Variants in MAP3K10 observed in about 807,000 individuals in gnomAD.
The protein encoded by MAP3K10 is mitogen-activated protein kinase kinase kinase 10, also known as MKN28 derived nonreceptor_type serine/threonine kinase.
Under a neutral mutation model 75.0 loss-of-function variants are expected in MAP3K10, and 22 were observed. The ratio of observed to expected loss-of-function variants is 0.29; its 90% CI spans 0.21 to 0.42. MAP3K10 has a LOEUF of 0.42. Ranked by LOEUF, MAP3K10 falls within the 10% of genes least tolerant of loss-of-function variation. MAP3K10 has a pLI of 1.00. For missense variants in MAP3K10, 1,165 were observed against 1,379.8 expected (o/e 0.84, Z 2.47); for synonymous variants, 599 against 612.9 (o/e 0.98, Z 0.34).
intron 6 of MAP3K10, among the ~76,000 whole-genome samples, chr19:40,209,494 C>T (rs1973195258): frequency 6.6e-6 from 1 of 151,492 alleles, no homozygotes; most frequent in South Asian, 2.1e-4. Flanking sequence ...CTCACTGCAA[C>T]CTCCGCCTCC....
At chr19:40,209,988 C>G (rs1973204356) in intron 6 of MAP3K10, among the ~76,000 whole-genome samples, 1 of 151,990 alleles carries the variant, frequency 6.6e-6, no homozygotes, top group East Asian at 1.9e-4. Flanking sequence ...AAAACAAAGG[C>G]CAGGCGCGGT....
Position 40,215,121 on chromosome 19 carries a change from C to T in MAP3K10, c.2694C>T (p.Pro898=), listed in dbSNP as rs1468995067. 2 of 1,611,456 alleles carry T rather than the reference C, an allele frequency of 1.2e-6. No homozygotes were observed. The highest frequency in any genetic ancestry group is 1.3e-5 in the African/African-American group (1 of 74,890). ...CTGCCAGTCGCCCCCGCTTGGACCC[C>T]TGGAAACTGGTCTCCTTCGGCCGGA... ...RPAASRPRLD[P]WKLVSFGRTL... Residue 898 remains proline, a synonymous_variant, in exon 10 of 10, where the codon CCC becomes CCT. Coordinates refer to ENST00000253055, the MANE Select transcript of MAP3K10 (RefSeq NM_002446.4).
rs1408272631 is a variant in MAP3K10, at chr19:40,204,224, C to T, written c.864-261C>T. 6.6e-6 allele frequency among the ~76,000 whole-genome samples: 1 copy of T among 152,100 alleles called. No individual in the cohort carries two copies. The highest frequency in any genetic ancestry group is 1.5e-5 in the Non-Finnish European group (1 of 68,028). ...ATAAAAATAAGAAAGATGGATTTGG[C>T]CAGTAGGAACACGGGACCTGAAGAT... On this transcript the variant is annotated intron_variant, in intron 2 of 9. Coordinates refer to ENST00000253055, the MANE Select transcript of MAP3K10 (RefSeq NM_002446.4). The surrounding 1 kb of genome is among the most constrained non-coding windows in gnomAD (Gnocchi z 4.3).
chr19:40,193,876 G>A (rs1323868861), intron 1 of MAP3K10, among the ~76,000 whole-genome samples: 1 of 152,160 alleles, frequency 6.6e-6, no homozygotes, highest in African/African-American at 2.4e-5. Context: ...AAATGTGAAG[G>A]TGCCCCCTTT....
chr19:40,191,524 G>A lies in MAP3K10; in HGVS notation c.-508G>A, dbSNP rs887007677. On this transcript the variant is annotated 5_prime_UTR_variant, in exon 1 of 10. Coordinates refer to ENST00000253055, the MANE Select transcript of MAP3K10 (RefSeq NM_002446.4). ...CGGTGCCAAGGATGGGGGCCGCCCG[G>A]CTGCCCCGCGCGTGAGGAGGCCGAG... Among the ~76,000 whole-genome samples the A allele has an allele frequency of 2.0e-5, 3 of 149,146 alleles. No homozygotes were observed. Among genetic ancestry groups the A allele is most frequent in the Non-Finnish European group, 3.0e-5 (2 of 66,960 alleles).
chr19:40,213,889 G>A lies in MAP3K10; in HGVS notation c.2210G>A (p.Gly737Asp), dbSNP rs1254408627. ...GGCCGCCGCGAAGACGTGGGCCCCG[G>A]CCTGGGCCTGGCGCCCTCGGCCACC... is the stretch of plus-strand genomic sequence containing the variant. ...PHGRREDVGP[G>D]LGLAPSATLV... Residue 737 changes from glycine to aspartate, a missense_variant, in exon 9 of 10, where the codon GGC (glycine) becomes GAC (aspartate). Physicochemically the swap from Gly to Asp is moderately conservative, Grantham distance 94. Transcript: ENST00000253055. This position sits in a 1 kb window ranked among gnomAD's most constrained non-coding sequence, Gnocchi z 5.7. 2.0e-6 allele frequency: 3 copies of A among 1,485,832 alleles called. No individual in the cohort carries two copies. The highest frequency in any genetic ancestry group is 2.7e-6 in the Non-Finnish European group (3 of 1,124,714). 92.0% of individuals were successfully genotyped at this position (1,485,832 alleles called of 1,614,324 possible). A position where few individuals can be genotyped will look rare whatever the true frequency, so the allele number is the denominator to read the frequency against.
Position 40,192,211 on chromosome 19 carries a change from C to G in MAP3K10, c.180C>G (p.Thr60=). ...TGTCCGGCGACGAGGGCTGGTGGAC[C>G]GGGCAGCTCCCCAGCGGCCGCGTGG... ...CAVSGDEGWW[T]GQLPSGRVGV... The change falls in exon 1 of 10, where the codon ACC becomes ACG. Residue 60 remains threonine, a synonymous_variant. Transcript: ENST00000253055. This position sits in a 1 kb window ranked among gnomAD's most constrained non-coding sequence, Gnocchi z 7.1. The G allele has an allele frequency of 6.2e-7, 1 of 1,607,486 alleles. No homozygotes were observed.
chr19:40,201,519 G>T (rs572659230), intron 2 of MAP3K10, among the ~76,000 whole-genome samples: 7 of 131,316 alleles, frequency 5.3e-5, no homozygotes, highest in African/African-American at 1.7e-4. Context: ...TTTTAACAGG[G>T]TCTTGCTCTG....
chr19:40,208,781 C>T (rs1250682592), intron 5 of MAP3K10, among the ~76,000 whole-genome samples: 1 of 152,044 alleles, frequency 6.6e-6, no homozygotes, highest in Non-Finnish European at 1.5e-5. Flanking sequence ...CACGTAGCTA[C>T]TGGCGGCCAT....
chr19:40,208,362 T>TTTTTTTTTTTTTTTTTTTTTA (rs1568492151), intron 5 of MAP3K10, among the ~76,000 whole-genome samples: 1 of 116,356 alleles, frequency 8.6e-6, no homozygotes, highest in African/African-American at 3.5e-5. Flanking sequence ...TTTTTTTTTT[T>TTTTTTTTTTTTTTTTTTTTTA]TTTTTTTGTA....
Position 40,213,634 on chromosome 19 carries a change from G to T in MAP3K10, c.1955G>T (p.Trp652Leu). ...CCCTCCCCGGGGGCGCGGGCGCCGT[G>T]GGAGCCGACGCCGTCCGCGCCCCCC... Reference protein sequence around the residue: ...AEPSPGARAPWEPTPSAPPAR... With the variant: ...AEPSPGARAPLEPTPSAPPAR... The change falls in exon 9 of 10, where the codon TGG becomes TTG. Residue 652 changes from tryptophan to leucine, a missense_variant. Transcript: ENST00000253055. This position sits in a 1 kb window ranked among gnomAD's most constrained non-coding sequence, Gnocchi z 5.7. The T allele has an allele frequency of 2.0e-6, 3 of 1,484,132 alleles. No homozygotes were observed. The highest frequency in any genetic ancestry group is 1.8e-6 in the Non-Finnish European group (2 of 1,119,480). 91.9% of individuals were successfully genotyped at this position (1,484,132 alleles called of 1,614,324 possible). A position where few individuals can be genotyped will look rare whatever the true frequency, so the allele number is the denominator to read the frequency against.
chr19:40,198,675 G>T lies in MAP3K10; in HGVS notation c.863+120G>T, dbSNP rs758424785. Reference sequence around the variant, plus strand: ...GGATCTCAGTCTGACAAAGGGACCTGCTGGCAAGGTCAGGCCACCAGACAA... The same window carrying T: ...GGATCTCAGTCTGACAAAGGGACCTTCTGGCAAGGTCAGGCCACCAGACAA... On this transcript the variant is annotated intron_variant, in intron 2 of 9. Transcript: ENST00000253055. This position sits in a 1 kb window ranked among gnomAD's most constrained non-coding sequence, Gnocchi z 4.3. 4 of 1,070,354 alleles carry T rather than the reference G, an allele frequency of 3.7e-6. No homozygotes were observed. The highest frequency in any genetic ancestry group is 5.3e-6 in the Non-Finnish European group (4 of 755,792). 66.3% of individuals were successfully genotyped at this position (1,070,354 alleles called of 1,614,324 possible). A position where few individuals can be genotyped will look rare whatever the true frequency, so the allele number is the denominator to read the frequency against.
At chr19:40,210,656 G>A (rs371985051) in intron 6 of MAP3K10, among the ~76,000 whole-genome samples, 4 of 151,988 alleles carry the variant, frequency 2.6e-5, no homozygotes, top group South Asian at 2.1e-4. Context: ...AGCCGAGATC[G>A]TGCCACTGCA....
Position 40,214,958 on chromosome 19 carries a change from C to G in MAP3K10, c.2543-12C>G. ...CCCACCCCACTCACCTCCTCTGAACCTCTCTTACCAGGCCCTCGTGACCTT... is the reference window on the plus strand; with the variant it reads ...CCCACCCCACTCACCTCCTCTGAACGTCTCTTACCAGGCCCTCGTGACCTT... On this transcript the variant is annotated splice_polypyrimidine_tract_variant and intron_variant, in intron 9 of 9. Transcript: ENST00000253055. 1.4e-6 allele frequency: 2 copies of G among 1,432,540 alleles called. No homozygotes were observed. Among genetic ancestry groups the G allele is most frequent in the African/African-American group, 1.4e-5 (1 of 71,788 alleles). 88.7% of individuals were successfully genotyped at this position (1,432,540 alleles called of 1,614,324 possible).
At chr19:40,208,345 C>CTTTTTTTTTTTTTTTTTTTTTT (rs747110243) in intron 5 of MAP3K10, among the ~76,000 whole-genome samples, 2 of 55,904 alleles carry the variant, frequency 3.6e-5, no homozygotes. Flanking sequence ...CTCTTTCTTT[C>CTTTTTTTTTTTTTTTTTTTTTT]TTTTTTTTTT....
intron 1 of MAP3K10, among the ~76,000 whole-genome samples, chr19:40,196,670 C>A (rs1972913586): frequency 1.3e-5 from 2 of 152,282 alleles, no homozygotes; most frequent in South Asian, 4.2e-4. Context: ...AGGCACCCGC[C>A]ACCACACCCA....
In MAP3K10 at chr19:40,214,013, C is replaced by A; in HGVS notation, c.2334C>A (p.Pro778=). Residue 778 remains proline (P), a synonymous_variant, in exon 9 of 10, where the codon CCC becomes CCA. Coordinates refer to ENST00000253055, the MANE Select transcript of MAP3K10 (RefSeq NM_002446.4). ...CACCGGCCGCGCCCTCCCCACCACC[C>A]TCCCCGCCCGCGCCCACACCCACGC... The part of the protein sequence containing the change: ...EAAPAAPSPP[P]SPPAPTPTPS... The A allele has an allele frequency of 1.3e-6, 2 of 1,504,338 alleles. No individual in the cohort carries two copies. The highest frequency in any genetic ancestry group is 2.1e-5 in the Admixed American group (1 of 47,470). 93.2% of individuals were successfully genotyped at this position (1,504,338 alleles called of 1,614,324 possible). A position where few individuals can be genotyped will look rare whatever the true frequency, so the allele number is the denominator to read the frequency against.
rs1972954888 is a variant in MAP3K10 at position 40,198,446 on chromosome 19, G to A, written c.754G>A (p.Ala252Thr). ...GCTCAAGATCACGGACTTCGGCCTC[G>A]CCCGCGAGTGGCACAAGACCACCAA... ...TVLKITDFGL[A>T]REWHKTTKMS... Residue 252 changes from alanine to threonine, a missense_variant, in exon 2 of 10, where the codon GCC (alanine) becomes ACC (threonine). Coordinates refer to ENST00000253055, the MANE Select transcript of MAP3K10 (RefSeq NM_002446.4). This position sits in a 1 kb window ranked among gnomAD's most constrained non-coding sequence, Gnocchi z 4.3. 3 of 1,614,008 alleles carry A rather than the reference G, an allele frequency of 1.9e-6. No individual in the cohort carries two copies. The highest frequency in any genetic ancestry group is 2.5e-6 in the Non-Finnish European group (3 of 1,180,038).
Position 40,192,638 on chromosome 19 carries a change from G to C in MAP3K10, c.607G>C (p.Val203Leu). Residue 203 changes from valine (V) to leucine (L), a missense_variant, in exon 1 of 10, where the codon GTG becomes CTG. By Grantham distance (32) the Val-to-Leu change is conservative (BLOSUM62 1). Coordinates refer to ENST00000253055, the MANE Select transcript of MAP3K10 (RefSeq NM_002446.4). This position sits in a 1 kb window ranked among gnomAD's most constrained non-coding sequence, Gnocchi z 7.1. ...CGTGCTGGTCAACTGGGCTGTGCAG[G>C]TGGCCCGGGGCATGAACTACCTACA... is the stretch of plus-strand genomic sequence containing the variant. ...PHVLVNWAVQ[V>L]ARGMNYLHND... 4 of 1,603,380 alleles carry C rather than the reference G, an allele frequency of 2.5e-6. No homozygotes were observed. The highest frequency in any genetic ancestry group is 3.4e-6 in the Non-Finnish European group (4 of 1,174,686).
Sources: allele counts gnomAD v4.1 joint callset (sites outside exome capture counted in the v4.1 genomes callset), GRCh38; gene constraint gnomAD v4.1.1; non-coding constraint Gnocchi (gnomAD v3.1); transcripts MANE v1.5; gene names NCBI Gene and HGNC (gene_info 2026-07-23, HGNC 2026-07-21).